GPC5: variants seen among roughly 807,000 people sequenced by gnomAD.
GPC5 encodes glypican-5.
GPC5 carries 47 observed loss-of-function variants against 53.9 expected under a neutral mutation model. That is an observed-to-expected ratio of 0.87 (90% CI 0.69 to 1.11). The LOEUF is 1.11. GPC5 is among the 50% of genes most tolerant of loss of function. The probability of loss-of-function intolerance (pLI) is 0.00; values close to 1 mark genes in which losing one functional copy is unlikely to be tolerated. For synonymous variants in GPC5, 286 were observed against 263.3 expected, an observed-to-expected ratio of 1.09 and a Z score of -0.84; for missense variants, 748 against 713.1, an observed-to-expected ratio of 1.05 and a Z score of -0.56.
chr13:92,634,391 C>A (rs920234737), intron 7 of GPC5, among the ~76,000 whole-genome samples: 2 of 151,870 alleles, frequency 1.3e-5, no homozygotes, highest in South Asian at 2.1e-4. Flanking sequence ...AAAGGTGAGG[C>A]CTTTTGTATC....
chr13:91,615,758 A>G (rs563771240), intron 2 of GPC5, among the ~76,000 whole-genome samples: 2 of 152,268 alleles, frequency 1.3e-5, no homozygotes, highest in Admixed American at 6.5e-5. Flanking sequence ...CCTTTACTCA[A>G]TACAGTTCTT....
chr13:91,691,347 C>A (rs908608465), intron 2 of GPC5, among the ~76,000 whole-genome samples: 1 of 152,108 alleles, frequency 6.6e-6, no homozygotes, highest in African/African-American at 2.4e-5. Context: ...AATGCAGAGA[C>A]CTGACAATCT....
chr13:92,695,462 G>T (rs903954759), intron 7 of GPC5, among the ~76,000 whole-genome samples: 3 of 152,068 alleles, frequency 2.0e-5, no homozygotes, highest in Non-Finnish European at 4.4e-5. Flanking sequence ...GGTGATAACA[G>T]CATCTCCAAA....
chr13:92,747,989 G>A (rs548437900), intron 7 of GPC5, among the ~76,000 whole-genome samples: 27 of 152,134 alleles, frequency 1.8e-4, no homozygotes, highest in African/African-American at 3.6e-4. Context: ...ATTTAATAAC[G>A]TCAGTTTTCT....
At chr13:91,405,121 G>A (rs1042066838) in intron 1 of GPC5, among the ~76,000 whole-genome samples, 2 of 152,210 alleles carry the variant, frequency 1.3e-5, no homozygotes, top group Non-Finnish European at 2.9e-5. Context: ...ATACATGGCT[G>A]AGGACATCAA....
chr13:91,744,007 C>T (rs2036993881), intron 4 of GPC5, among the ~76,000 whole-genome samples: 1 of 145,080 alleles, frequency 6.9e-6, no homozygotes, highest in Admixed American at 7.2e-5. Flanking sequence ...CTGGTTTCAC[C>T]CTCTTTCAGC....
chr13:91,877,664 G>A (rs2039218836), intron 5 of GPC5, among the ~76,000 whole-genome samples: 1 of 152,198 alleles, frequency 6.6e-6, no homozygotes, highest in South Asian at 2.1e-4. Flanking sequence ...TGTCTCAGAT[G>A]AGACTTTGGA....
At chr13:91,406,196 C>T (rs1877312740) in intron 1 of GPC5, among the ~76,000 whole-genome samples, 1 of 152,306 alleles carries the variant, frequency 6.6e-6, no homozygotes, top group South Asian at 2.1e-4. Context: ...CAGGGCTTGG[C>T]AGAGAATAAG....
chr13:92,829,997 G>C (rs1877997196), intron 7 of GPC5, among the ~76,000 whole-genome samples: 1 of 152,110 alleles, frequency 6.6e-6, no homozygotes, highest in African/African-American at 2.4e-5. Flanking sequence ...AAGAAAACGA[G>C]TCATGCTGGT....
chr13:92,278,215 G>A (rs1293090064), intron 7 of GPC5, among the ~76,000 whole-genome samples: 1 of 151,776 alleles, frequency 6.6e-6, no homozygotes, highest in Non-Finnish European at 1.5e-5. Context: ...AAATTTTAAT[G>A]TTTTTATTAA....
At chr13:92,102,941 T>C (rs2041478755) in intron 6 of GPC5, among the ~76,000 whole-genome samples, 1 of 152,162 alleles carries the variant, frequency 6.6e-6, no homozygotes, top group Admixed American at 6.5e-5. Context: ...AGGCTCACTG[T>C]AGCCTCAACC....
intron 7 of GPC5, among the ~76,000 whole-genome samples, chr13:92,716,565 A>G (rs1347892275): frequency 6.6e-6 from 1 of 152,032 alleles, no homozygotes; most frequent in Non-Finnish European, 1.5e-5. Flanking sequence ...AGGAATTCAG[A>G]TCTCAGCATA....
intron 3 of GPC5, among the ~76,000 whole-genome samples, chr13:91,714,943 G>A (rs73607091): frequency 2.0e-5 from 3 of 152,226 alleles, no homozygotes; most frequent in Non-Finnish European, 4.4e-5. Context: ...CTCTGTGACT[G>A]CTCCTGCAGA....
intron 5 of GPC5, among the ~76,000 whole-genome samples, chr13:91,866,054 A>T (rs1016313732): frequency 3.3e-5 from 5 of 151,992 alleles, no homozygotes; most frequent in Non-Finnish European, 7.4e-5. Context: ...TTTAGTAGAG[A>T]TGGGGGTTTC....
At chr13:91,945,473 G>A (rs1168014887) in intron 6 of GPC5, among the ~76,000 whole-genome samples, 5 of 152,090 alleles carry the variant, frequency 3.3e-5, no homozygotes, top group Non-Finnish European at 5.9e-5. Context: ...CTGTTTTGTA[G>A]CAACAGGTTT....
At chr13:92,277,625 A>AT (rs965391632) in intron 7 of GPC5, among the ~76,000 whole-genome samples, 4 of 151,930 alleles carry the variant, frequency 2.6e-5, no homozygotes, top group Non-Finnish European at 4.4e-5. Context: ...AATACTAAGC[A>AT]TTTTTTTACT....
intron 2 of GPC5, among the ~76,000 whole-genome samples, chr13:91,673,313 C>T (rs1326360135): frequency 6.6e-6 from 1 of 152,058 alleles, no homozygotes; most frequent in East Asian, 1.9e-4. Flanking sequence ...AACCTGTCCC[C>T]TCCCTGCCTA....
At chr13:92,003,302 C>A (rs1217713279) in intron 6 of GPC5, among the ~76,000 whole-genome samples, 1 of 123,270 alleles carries the variant, frequency 8.1e-6, no homozygotes. Flanking sequence ...GCCTGGGCAA[C>A]AGAGTGAGTC....
intron 6 of GPC5, among the ~76,000 whole-genome samples, chr13:92,116,711 A>G (rs948467270): frequency 6.6e-6 from 1 of 152,210 alleles, no homozygotes; most frequent in Non-Finnish European, 1.5e-5. Context: ...CTGCATTCAC[A>G]TCTGTACTTG....
Sources: allele counts gnomAD v4.1 joint callset (sites outside exome capture counted in the v4.1 genomes callset), GRCh38; gene constraint gnomAD v4.1.1; transcripts MANE v1.5; gene names NCBI Gene and HGNC (gene_info 2026-07-23, HGNC 2026-07-21).